The following FBXO21 variants were observed in gnomAD, a reference collection of about 807,000 sequenced individuals.
FBXO21 encodes the protein F-box only protein 21.
Under a neutral mutation model 76.6 loss-of-function variants are expected in FBXO21, and 32 were observed. The observed-to-expected ratio is 0.42, with a 90% CI of 0.32 to 0.56. FBXO21 has a LOEUF of 0.56. Among genes scored for constraint, FBXO21 ranks in the 20% least tolerant of loss-of-function variants. The probability of loss-of-function intolerance (pLI) is 0.16; values close to 1 mark genes in which losing one functional copy is unlikely to be tolerated. For missense variants in FBXO21, 586 were observed against 797.3 expected (o/e 0.73, Z 3.19); for synonymous variants, 328 against 311.5 (o/e 1.05, Z -0.56).
intron 9 of FBXO21, among the ~76,000 whole-genome samples, chr12:117,160,326 T>G (rs1955963071): frequency 6.6e-6 from 1 of 152,178 alleles, no homozygotes; most frequent in South Asian, 2.1e-4. Flanking sequence ...CCAGGTTCCC[T>G]CTAAGGTTCT....
intron 11 of FBXO21, among the ~76,000 whole-genome samples, chr12:117,150,874 T>TGTGC (rs1466038197): frequency 2.0e-5 from 3 of 146,772 alleles, no homozygotes; most frequent in African/African-American, 7.5e-5. Context: ...CCATGGACTG[T>TGTGC]GTGTGTGTGT....
In FBXO21 at chr12:117,146,021, T is replaced by G. The variant is rs146699544; in HGVS notation, c.*66A>C. The G allele has an allele frequency of 7.9e-6, 11 of 1,385,482 alleles. No individual in the cohort carries two copies. The East Asian group carries it at 2.1e-4, about 27-fold the overall frequency. 85.8% of individuals were successfully genotyped at this position (1,385,482 alleles called of 1,614,324 possible). On this transcript the variant is annotated 3_prime_UTR_variant, in exon 12 of 12. Transcript: ENST00000622495. ...TCCCGAGGGCTCCGTGGAGACGTCT[T>G]CTTCCGGAGTCCCGTTCTCTTGGAA... is the stretch of plus-strand genomic sequence containing the variant.
intron 7 of FBXO21, among the ~76,000 whole-genome samples, chr12:117,170,877 G>C (rs1285254131): frequency 6.6e-6 from 1 of 152,092 alleles, no homozygotes. Flanking sequence ...TGGGGAGATT[G>C]GTTGGGTTAT....
intron 11 of FBXO21, among the ~76,000 whole-genome samples, chr12:117,150,932 T>C (rs1487287617): frequency 2.6e-4 from 32 of 121,572 alleles, no homozygotes; most frequent in African/African-American, 9.2e-4. Flanking sequence ...GGTGGAAAGT[T>C]GAGTTTGGAA....
chr12:117,148,957 A>G (rs1253339110), intron 11 of FBXO21, among the ~76,000 whole-genome samples: 5 of 152,196 alleles, frequency 3.3e-5, no homozygotes. Flanking sequence ...AAATCAATAA[A>G]TGTTAAAAAA....
At chr12:117,176,212 C>G (rs1956172415) in intron 4 of FBXO21, among the ~76,000 whole-genome samples, 1 of 152,200 alleles carries the variant, frequency 6.6e-6, no homozygotes, top group Non-Finnish European at 1.5e-5. Context: ...AAATGCAAGA[C>G]AGCTTACTAT....
intron 11 of FBXO21, among the ~76,000 whole-genome samples, chr12:117,153,095 T>G (rs989569887): frequency 3.9e-4 from 60 of 152,124 alleles, no homozygotes; most frequent in African/African-American, 1.4e-3. Flanking sequence ...AAGCAGCAAG[T>G]GGCCCGGTCC....
chr12:117,146,302 A>G (rs1955770055), intron 11 of FBXO21, 25 bp from the exon 12 acceptor site: 1 of 1,574,074 alleles, frequency 6.4e-7, no homozygotes, highest in African/African-American at 1.4e-5. Context: ...GCACACGGGC[A>G]TTCTCATTAC....
intron 1 of FBXO21, 35 bp downstream of exon 1, chr12:117,190,183 G>A (rs1282040723): frequency 8.4e-7 from 1 of 1,191,534 alleles, no homozygotes; most frequent in Non-Finnish European, 1.0e-6. Flanking sequence ...GCGGGGCGGT[G>A]GGCGCGCAGC....
rs1013377976 is a variant in FBXO21, at chr12:117,190,446, G to T, written c.11C>A (p.Ala4Glu). 3.7e-6 allele frequency: 5 copies of T among 1,369,064 alleles called. No individual in the cohort carries two copies. The African/African-American group carries it at 6.0e-5, about 16-fold the overall frequency. 84.8% of individuals were successfully genotyped at this position (1,369,064 alleles called of 1,614,324 possible). The change falls in exon 1 of 12, where the codon GCA becomes GAA. Residue 4 changes from alanine to glutamate, a missense_variant. By Grantham distance (107) the Ala-to-Glu change is moderately radical. Coordinates refer to ENST00000622495, the MANE Select transcript of FBXO21 (RefSeq NM_015002.3). ...CACCTCCATCGCGCTGTCGACTGCT[G>T]CCGCCGCCATCTTGTCCGCGTACCT... MAAAAVDSAMEVVP... is the reference protein window; with the variant it reads MAAEAVDSAMEVVP...
rs1955725058 is a variant in FBXO21 at position 117,142,275 on chromosome 12, T to G, written c.*3812A>C. The G allele has an allele frequency of 6.6e-6, 1 of 152,178 alleles. No homozygotes were observed. The highest frequency in any genetic ancestry group is 1.5e-5 in the Non-Finnish European group (1 of 68,052). The allele number at this position is 152,178 out of a possible 1,614,324, so 9.4% of individuals were successfully genotyped here. A position where few individuals can be genotyped will look rare whatever the true frequency, so the allele number is the denominator to read the frequency against. ...ACTCAGGGACCACCTGTATTCCACA[T>G]CCGGCTTCCCACCCACGCACACGCA... On this transcript the variant is annotated 3_prime_UTR_variant, in exon 12 of 12. Coordinates refer to ENST00000622495, the MANE Select transcript of FBXO21 (RefSeq NM_015002.3).
In FBXO21 at chr12:117,175,717, G is replaced by A. The variant is rs115707843; in HGVS notation, c.593-920C>T. On this transcript the variant is annotated intron_variant, in intron 4 of 11. Transcript: ENST00000622495. The stretch of plus-strand genomic sequence containing the variant: ...TTTCTGAAGTCCGTTCCTTCCTAAT[G>A]CTATGATTCCCAGACTTCTTCGATG... 3.0e-3 allele frequency among the ~76,000 whole-genome samples: 458 copies of A among 152,292 alleles called. 3 individuals are homozygous for A. Among genetic ancestry groups the A allele is most frequent in the African/African-American group, 0.011 (437 of 41,546 alleles).
At position 117,144,333 on chromosome 12, in the gene FBXO21, G is replaced by T. The variant is rs989334045; in HGVS notation, c.*1754C>A. On this transcript the variant is annotated 3_prime_UTR_variant, in exon 12 of 12. Coordinates refer to ENST00000622495, the MANE Select transcript of FBXO21 (RefSeq NM_015002.3). ...CTTGGCGGGCCAGGTGCTGTGAGTG[G>T]TTACGTTTCCAGATGCAGGTTCAAA... 2.0e-4 allele frequency: 31 copies of T among 152,302 alleles called. No homozygotes were observed. The highest frequency in any genetic ancestry group is 7.0e-4 in the African/African-American group (29 of 41,546). 9.4% of individuals were successfully genotyped at this position (152,302 alleles called of 1,614,324 possible).
rs772501633 is a variant in FBXO21 at position 117,165,204 on chromosome 12, G to C, written c.1326+281C>G. 8.3e-4 allele frequency among the ~76,000 whole-genome samples: 127 copies of C among 152,236 alleles called. 3 individuals are homozygous for C. Among genetic ancestry groups the C allele is most frequent in the Middle Eastern group, 3.4e-3 (1 of 294 alleles). ...TGAGTGAGGGTGACTTGGGGAAAAC[G>C]ATCTGAGGGCCCCAGTGGTTGAGTA... On this transcript the variant is annotated intron_variant, in intron 9 of 11. Coordinates refer to ENST00000622495, the MANE Select transcript of FBXO21 (RefSeq NM_015002.3).
In FBXO21 at chr12:117,144,992, C is replaced by T. The variant is rs12298149; in HGVS notation, c.*1095G>A. 576 of 152,154 alleles carry T rather than the reference C, an allele frequency of 3.8e-3. 6 individuals are homozygous for T. The highest frequency in any genetic ancestry group is 0.013 in the African/African-American group (552 of 41,508). The allele number at this position is 152,154 out of a possible 1,614,324, so 9.4% of individuals were successfully genotyped here. A position where few individuals can be genotyped will look rare whatever the true frequency, so the allele number is the denominator to read the frequency against. On this transcript the variant is annotated 3_prime_UTR_variant, in exon 12 of 12. Coordinates refer to ENST00000622495, the MANE Select transcript of FBXO21 (RefSeq NM_015002.3). ...AGACATTCTCTCTCTTTCTAACCTG[C>T]CACATTCAAACAGGCCTTGAAGTGA...
At chr12:117,187,328 G>A (rs1451887233) in intron 2 of FBXO21, among the ~76,000 whole-genome samples, 1 of 147,234 alleles carries the variant, frequency 6.8e-6, no homozygotes, top group Non-Finnish European at 1.5e-5. Context: ...GCTGAGGCAG[G>A]AGAATCACTT....
chr12:117,165,367 C>A, intron 9 of FBXO21, 118 bp downstream of exon 9: 1 of 1,043,714 alleles, frequency 9.6e-7, no homozygotes, highest in Non-Finnish European at 1.4e-6. Context: ...GATTGGGAGA[C>A]TGAATAAATT....
At position 117,155,830 on chromosome 12, in the gene FBXO21, C is replaced by G. The variant is rs764339365; in HGVS notation, c.1636G>C (p.Val546Leu). The G allele has an allele frequency of 3.1e-6, 5 of 1,614,148 alleles. No homozygotes were observed. Among genetic ancestry groups the G allele is most frequent in the Non-Finnish European group, 4.2e-6 (5 of 1,179,978 alleles). Reference sequence around the variant, plus strand: ...CGACAGGAGCCGTCCTCCACCAGCACGTTATAGAAAGGCTGGTGGTGGCCG... The same window carrying G: ...CGACAGGAGCCGTCCTCCACCAGCAGGTTATAGAAAGGCTGGTGGTGGCCG... ...PHGHHQPFYN[V>L]LVEDGSCRYA... Residue 546 changes from valine (V) to leucine (L), a missense_variant, in exon 11 of 12, where the codon GTG becomes CTG. Transcript: ENST00000622495.
At chr12:117,174,557 G>A (rs748349833) in intron 5 of FBXO21, 94 bp downstream of exon 5, 6 of 1,435,394 alleles carry the variant, frequency 4.2e-6, no homozygotes, top group African/African-American at 2.8e-5. Flanking sequence ...ACTTTTTCAT[G>A]ACATAATGGC....
Sources: gnomAD v4.1 joint callset for allele counts (sites outside exome capture counted in the v4.1 genomes callset) on GRCh38, gnomAD v4.1.1 for gene constraint, MANE v1.5 for transcripts, NCBI Gene and HGNC (gene_info 2026-07-23, HGNC 2026-07-21) for gene names.